Variants in CHRDL1 observed in about 807,000 individuals in gnomAD.
CHRDL1 encodes chordin-like protein 1.
A neutral mutation model predicts 40.9 loss-of-function variants in CHRDL1; 19 were observed. The observed-to-expected ratio is 0.46, with a 90% CI of 0.32 to 0.68. The LOEUF (loss-of-function observed/expected upper bound fraction) is 0.68. Ranked by LOEUF, CHRDL1 falls within the 30% of genes least tolerant of loss-of-function variation. The probability of loss-of-function intolerance (pLI) is 0.03; values close to 1 mark genes in which losing one functional copy is unlikely to be tolerated. For missense variants in CHRDL1, 329 were observed against 352.1 expected (o/e 0.93, Z 0.53); for synonymous variants, 136 against 123.4 (o/e 1.10, Z -0.68).
At chrX:110,794,200 T>G (rs2090146886) in intron 1 of CHRDL1, among the ~76,000 whole-genome samples, 1 of 112,045 alleles carries the variant, frequency 8.9e-6, no homozygotes, top group Non-Finnish European at 1.9e-5. Flanking sequence ...ACTGCAGCAG[T>G]AAACACTAGC....
In CHRDL1 at chrX:110,716,462, G is replaced by A. The variant is rs560713694; in HGVS notation, c.541+3373C>T. ...CATTAATAGGGATGATAATACATGG[G>A]CACAAATAATAAAAAACAGAAGTTG... On this transcript the variant is annotated intron_variant, in intron 6 of 11. Coordinates refer to ENST00000372042, the MANE Select transcript of CHRDL1 (RefSeq NM_001143981.2). 5.6e-4 allele frequency among the ~76,000 whole-genome samples: 62 copies of A among 110,808 alleles called. No homozygotes were observed. The South Asian group carries it at 0.018, about 33-fold the overall frequency.
intron 9 of CHRDL1, among the ~76,000 whole-genome samples, chrX:110,687,483 T>C (rs183074702): frequency 2.2e-4 from 25 of 112,072 alleles, no homozygotes; most frequent in Admixed American, 4.7e-4. Flanking sequence ...CAGGGCATGT[T>C]TGCCTACTAG....
intron 4 of CHRDL1, among the ~76,000 whole-genome samples, chrX:110,759,213 T>C (rs2089514111): frequency 8.9e-6 from 1 of 112,235 alleles, no homozygotes; most frequent in African/African-American, 3.2e-5. Flanking sequence ...CTTTATACTG[T>C]CATAAACCTC....
At chrX:110,767,941 A>G (rs2089687902) in intron 2 of CHRDL1, among the ~76,000 whole-genome samples, 1 of 112,173 alleles carries the variant, frequency 8.9e-6, no homozygotes, top group Non-Finnish European at 1.9e-5. Context: ...AAGCAAAAAG[A>G]ACAAATCTGG....
chrX:110,761,655 G>C (rs1052794128), intron 3 of CHRDL1, among the ~76,000 whole-genome samples: 5 of 111,641 alleles, frequency 4.5e-5, no homozygotes, highest in African/African-American at 1.6e-4. Context: ...AGAGGCCAGG[G>C]ATACTGCTTA....
chrX:110,680,431 G>C (rs1199297621), intron 10 of CHRDL1, among the ~76,000 whole-genome samples: 1 of 111,615 alleles, frequency 9.0e-6, no homozygotes, highest in Non-Finnish European at 1.9e-5. Flanking sequence ...TTTAGATAAA[G>C]GCTGTTGTCT....
At chrX:110,713,970 G>A (rs1416146956) in intron 6 of CHRDL1, among the ~76,000 whole-genome samples, 1 of 111,154 alleles carries the variant, frequency 9.0e-6, no homozygotes, top group East Asian at 2.8e-4. Context: ...CAATGGTGGA[G>A]GGAAGCTGGG....
At chrX:110,770,879 G>A (rs185144553) in intron 2 of CHRDL1, among the ~76,000 whole-genome samples, 1 of 111,939 alleles carries the variant, frequency 8.9e-6, no homozygotes, top group East Asian at 2.8e-4. Context: ...GGGCGTGGTG[G>A]CTCACACCTG....
chrX:110,703,875 T>C (rs969342839), intron 6 of CHRDL1, among the ~76,000 whole-genome samples: 6 of 111,663 alleles, frequency 5.4e-5, no homozygotes, highest in South Asian at 7.5e-4. Context: ...GCAAGTCACA[T>C]ACTGGAGACA....
chrX:110,720,762 T>C (rs2070936061), intron 5 of CHRDL1, among the ~76,000 whole-genome samples: 1 of 111,773 alleles, frequency 8.9e-6, no homozygotes, highest in East Asian at 2.8e-4. Flanking sequence ...TAAACACTCA[T>C]TTTACTCCAT....
intron 9 of CHRDL1, among the ~76,000 whole-genome samples, chrX:110,684,377 T>C (rs1353944366): frequency 1.8e-5 from 2 of 112,077 alleles, no homozygotes; most frequent in African/African-American, 6.5e-5. Context: ...CACTGCCTTG[T>C]TCCTTTTCTT....
intron 2 of CHRDL1, among the ~76,000 whole-genome samples, chrX:110,790,089 T>C (rs2090074881): frequency 8.9e-6 from 1 of 112,215 alleles, no homozygotes; most frequent in South Asian, 3.7e-4. Context: ...TGTATGTGCA[T>C]GCATATATCA....
chrX:110,733,543 GATCA>G (rs900671493), intron 4 of CHRDL1, among the ~76,000 whole-genome samples: 9 of 111,395 alleles, frequency 8.1e-5, no homozygotes, highest in African/African-American at 2.3e-4. Flanking sequence ...CTTTTTAAGT[GATCA>G]ATAAGTGCAA....
chrX:110,718,622 GTTC>G (rs2070885976), intron 6 of CHRDL1, among the ~76,000 whole-genome samples: 1 of 112,061 alleles, frequency 8.9e-6, no homozygotes, highest in Admixed American at 9.4e-5. Context: ...TACTTAGAAT[GTTC>G]TTCTTTGGGA....
chrX:110,716,852 G>A (rs1026737331), intron 6 of CHRDL1, among the ~76,000 whole-genome samples: 1 of 111,420 alleles, frequency 9.0e-6, no homozygotes, highest in Non-Finnish European at 1.9e-5. Context: ...ACCTGTACAT[G>A]TGCAGTTGTT....
chrX:110,702,434 A>C (rs946953078), intron 6 of CHRDL1, among the ~76,000 whole-genome samples: 13 of 112,337 alleles, frequency 1.2e-4, no homozygotes, highest in Non-Finnish European at 1.9e-4. Context: ...GACGTCAAGC[A>C]TAACTTTGTC....
At chrX:110,695,299 A>G (rs965858394) in intron 7 of CHRDL1, among the ~76,000 whole-genome samples, 14 of 111,955 alleles carry the variant, frequency 1.3e-4, no homozygotes, top group Non-Finnish European at 1.3e-4. Flanking sequence ...GTTCACTGCT[A>G]TATCTCCAGT....
chrX:110,723,868 C>T (rs1168529608), intron 4 of CHRDL1, among the ~76,000 whole-genome samples: 2 of 112,302 alleles, frequency 1.8e-5, no homozygotes, highest in African/African-American at 6.5e-5. Context: ...TATTAATGAC[C>T]CTTTAGAGGA....
In CHRDL1 at chrX:110,719,838, T is replaced by C; in HGVS notation, c.538A>G (p.Arg180Gly). 1 of 1,194,199 alleles carries C rather than the reference T, an allele frequency of 8.4e-7. No homozygotes were observed. Among genetic ancestry groups the C allele is most frequent in the East Asian group, 3.0e-5 (1 of 33,766 alleles). ...TCTTGGGATATAACACACCTACCTC[T>C]GCATACCCGGCAGCAGGAATCTGGA... ...SVPDSCCRVC[R>G]GDGELSWEHS... Residue 180 changes from arginine to glycine, a missense_variant, in exon 6 of 12, where the codon AGA (arginine) becomes GGA (glycine). Transcript: ENST00000372042.
Sources: gnomAD v4.1 joint callset for allele counts (sites outside exome capture counted in the v4.1 genomes callset) on GRCh38, gnomAD v4.1.1 for gene constraint, MANE v1.5 for transcripts, NCBI Gene and HGNC (gene_info 2026-07-23, HGNC 2026-07-21) for gene names.